Variants in DNAI7 observed in about 807,000 individuals in gnomAD.
The protein encoded by DNAI7 is cancer susceptibility 1.
Under a neutral mutation model 86.6 loss-of-function variants are expected in DNAI7, and 78 were observed. The observed-to-expected ratio is 0.90, with a 90% confidence interval of 0.75 to 1.09. DNAI7 has a LOEUF of 1.09. Ranked by LOEUF, DNAI7 falls within the 50% of genes least tolerant of loss-of-function variation. The pLI is 0.00. For synonymous variants in DNAI7, 274 were observed against 273.0 expected, an observed-to-expected ratio of 1.00 and a Z score of -0.04; for missense variants, 753 against 810.2, an observed-to-expected ratio of 0.93 and a Z score of 0.86.
intron 2 of DNAI7, among the ~76,000 whole-genome samples, chr12:25,184,422 A>C (rs1949839614): frequency 6.6e-6 from 1 of 152,152 alleles, no homozygotes; most frequent in Non-Finnish European, 1.5e-5. Flanking sequence ...CATGCTTTCG[A>C]GGTTCATCCA....
chr12:25,181,582 A>G (rs1197877931), intron 2 of DNAI7, among the ~76,000 whole-genome samples: 1 of 152,238 alleles, frequency 6.6e-6, no homozygotes, highest in African/African-American at 2.4e-5. Flanking sequence ...ATAGCAAAAG[A>G]AACAACACAG....
At chr12:25,178,604 C>T (rs1465590062) in intron 2 of DNAI7, among the ~76,000 whole-genome samples, 1 of 152,082 alleles carries the variant, frequency 6.6e-6, no homozygotes, top group Non-Finnish European at 1.5e-5. Flanking sequence ...AAAATCCTTG[C>T]ACTTACAATT....
chr12:25,169,860 A>G (rs560199744), intron 2 of DNAI7, among the ~76,000 whole-genome samples: 2 of 151,792 alleles, frequency 1.3e-5, no homozygotes, highest in Admixed American at 6.6e-5. Context: ...AAAAAAAAAA[A>G]AAAAGAAAAA....
chr12:25,156,832 G>A (rs903461100), intron 4 of DNAI7, among the ~76,000 whole-genome samples: 1 of 152,044 alleles, frequency 6.6e-6, no homozygotes, highest in African/African-American at 2.4e-5. Flanking sequence ...ATCAACATTT[G>A]GAAGCAAATA....
At chr12:25,129,573 G>C (rs1422512999) in intron 9 of DNAI7, among the ~76,000 whole-genome samples, 2 of 151,966 alleles carry the variant, frequency 1.3e-5, no homozygotes, top group Non-Finnish European at 2.9e-5. Flanking sequence ...TATCCACGAT[G>C]ATCACAAAAC....
At chr12:25,182,901 G>A (rs1240314674) in intron 2 of DNAI7, among the ~76,000 whole-genome samples, 2 of 151,602 alleles carry the variant, frequency 1.3e-5, no homozygotes, top group Non-Finnish European at 2.9e-5. Context: ...TTCAGCCCAG[G>A]AAATGAAGTG....
At chr12:25,175,135 A>T (rs1024423004) in intron 2 of DNAI7, among the ~76,000 whole-genome samples, 8 of 152,122 alleles carry the variant, frequency 5.3e-5, no homozygotes, top group Admixed American at 3.9e-4. Context: ...AAAATAAATT[A>T]AAAAAATAGA....
In DNAI7 at chr12:25,152,815, G is replaced by A. The variant is rs188995888; in HGVS notation, c.438+1504C>T. Among the ~76,000 whole-genome samples, 767 of 152,302 alleles carry A rather than the reference G, an allele frequency of 5.0e-3. 3 individuals carry two copies. The highest frequency in any genetic ancestry group is 8.3e-3 in the Non-Finnish European group (563 of 68,018). ...ACTTCAGTAGGAATCTGGAGAGTTGGATAATTGGTTGGTGTGAGAAAACCC... is the reference window on the plus strand; with the variant it reads ...ACTTCAGTAGGAATCTGGAGAGTTGAATAATTGGTTGGTGTGAGAAAACCC... On this transcript the variant is annotated intron_variant, in intron 6 of 15. Transcript: ENST00000395987.
At position 25,114,662 on chromosome 12, in the gene DNAI7, T is replaced by C; in HGVS notation, c.1605A>G (p.Gln535=). The C allele has an allele frequency of 6.2e-7, 1 of 1,601,468 alleles. No individual in the cohort carries two copies. The highest frequency in any genetic ancestry group is 8.6e-7 in the Non-Finnish European group (1 of 1,168,692). The change falls in exon 13 of 16, where the codon CAA becomes CAG. Residue 535 remains glutamine (Q), a synonymous_variant. Transcript: ENST00000395987. The part of the protein sequence containing the change: ...VTTVFTEIQI[Q]IKENLCMLSS... ...AGCTACAAGAGTAACTCACCTTAAT[T>C]TGTATTTGAATCTCAGTAAATACTG...
chr12:25,135,917 C>A (rs77866242), intron 9 of DNAI7, among the ~76,000 whole-genome samples: 13,986 of 152,086 alleles, frequency 0.092, 1,986 homozygotes, highest in African/African-American at 0.31. Flanking sequence ...CTTTCTTTAC[C>A]TACCCTGATA....
intron 2 of DNAI7, among the ~76,000 whole-genome samples, chr12:25,179,469 T>C (rs945488737): frequency 1.3e-5 from 2 of 152,138 alleles, no homozygotes; most frequent in Non-Finnish European, 2.9e-5. Flanking sequence ...TCCACTATGA[T>C]TGTGGATGTG....
chr12:25,189,112 A>G (rs1950289388), intron 2 of DNAI7, among the ~76,000 whole-genome samples: 1 of 152,198 alleles, frequency 6.6e-6, no homozygotes, highest in South Asian at 2.1e-4. Context: ...ACTGTATATA[A>G]ACATTTCCTG....
At chr12:25,139,722 T>C (rs1007975091) in intron 9 of DNAI7, among the ~76,000 whole-genome samples, 2 of 152,078 alleles carry the variant, frequency 1.3e-5, no homozygotes, top group African/African-American at 4.8e-5. Flanking sequence ...AGGGGAAGGA[T>C]AGCATTAGGA....
At chr12:25,194,868 C>G in intron 1 of DNAI7, 1 of 1,612,576 alleles carries the variant, frequency 6.2e-7, no homozygotes, top group Non-Finnish European at 8.5e-7. Context: ...TTTGCAGAAA[C>G]TGGTTTGGGA....
downstream of DNAI7, chr12:25,107,750 T>G (rs767236442): frequency 1.2e-4 from 184 of 1,487,846 alleles, no homozygotes; most frequent in Middle Eastern, 3.5e-4. Flanking sequence ...ACTGGTGGTG[T>G]TAGCAAAAGG....
intron 2 of DNAI7, among the ~76,000 whole-genome samples, chr12:25,168,854 C>T (rs1283305440): frequency 1.3e-5 from 2 of 152,072 alleles, no homozygotes; most frequent in African/African-American, 4.8e-5. Flanking sequence ...AAAACCATAT[C>T]CAGGCCATCA....
intron 1 of DNAI7, chr12:25,194,829 T>A: frequency 6.4e-7 from 1 of 1,554,480 alleles, no homozygotes; most frequent in Non-Finnish European, 8.8e-7. Context: ...GAGATCAGGA[T>A]ACCGTGTGAC....
intron 1 of DNAI7, among the ~76,000 whole-genome samples, chr12:25,192,292 A>T (rs1000168605): frequency 3.3e-5 from 5 of 152,202 alleles, no homozygotes; most frequent in Non-Finnish European, 7.4e-5. Context: ...AGAGGGGCAA[A>T]TTGTCACTTC....
intron 9 of DNAI7, among the ~76,000 whole-genome samples, chr12:25,143,893 G>A (rs1468176455): frequency 6.6e-6 from 1 of 152,118 alleles, no homozygotes; most frequent in Non-Finnish European, 1.5e-5. Flanking sequence ...TATTAAATTG[G>A]TCAAAAGCTA....
Sources: allele counts gnomAD v4.1 joint callset (sites outside exome capture counted in the v4.1 genomes callset), GRCh38; gene constraint gnomAD v4.1.1; transcripts MANE v1.5; gene names NCBI Gene and HGNC (gene_info 2026-07-23, HGNC 2026-07-21).